FADS3: variants seen among roughly 807,000 people sequenced by gnomAD.
FADS3 encodes the protein cytochrome b5-related protein.
In FADS3, 30 loss-of-function variants were observed where a neutral mutation model predicts 60.4. The observed-to-expected ratio is 0.50, with a 90% confidence interval of 0.37 to 0.67. The LOEUF (loss-of-function observed/expected upper bound fraction) is 0.67, where lower values mean the gene tolerates loss of function less well. FADS3 is among the 30% of genes least tolerant of loss of function. FADS3 has a pLI of 0.00. For missense variants in FADS3, 432 were observed against 598.3 expected (o/e 0.72, Z 2.90); for synonymous variants, 234 against 249.3 (o/e 0.94, Z 0.58).
At chr11:61,880,417 T>C (rs914777676) in intron 1 of FADS3, 1 of 296,534 alleles carries the variant, frequency 3.4e-6, no homozygotes, top group Admixed American at 5.0e-5. Context: ...CGGTCAAACA[T>C]CTGCAGCTCT....
chr11:61,877,648 C>T lies in FADS3; in HGVS notation c.809-61G>A. The T allele has an allele frequency of 6.7e-7, 1 of 1,487,010 alleles. No individual in the cohort carries two copies. 92.1% of individuals were successfully genotyped at this position (1,487,010 alleles called of 1,614,324 possible). On this transcript the variant is annotated intron_variant, in intron 6 of 11. Transcript: ENST00000278829. This position sits in a 1 kb window ranked among gnomAD's most constrained non-coding sequence, Gnocchi z 4.7. ...GCTGGGCTGCCAAGGTGAGTGGGCGCCAGAGTGAGGGGCTCTGTTACTCCA... is the reference window on the plus strand; with the variant it reads ...GCTGGGCTGCCAAGGTGAGTGGGCGTCAGAGTGAGGGGCTCTGTTACTCCA...
intron 1 of FADS3, among the ~76,000 whole-genome samples, chr11:61,884,034 G>A (rs987921974): frequency 2.0e-5 from 3 of 152,210 alleles, no homozygotes; most frequent in Admixed American, 6.5e-5. Flanking sequence ...GAGTAGGGCA[G>A]GGGCCTGGAC....
At chr11:61,883,168 TC>T (rs1378980246) in intron 1 of FADS3, among the ~76,000 whole-genome samples, 7 of 152,264 alleles carry the variant, frequency 4.6e-5, no homozygotes, top group African/African-American at 1.7e-4. Context: ...CTTTTCACCT[TC>T]CCCAACTGAA....
intron 1 of FADS3, among the ~76,000 whole-genome samples, chr11:61,888,735 A>T (rs1235967579): frequency 6.6e-6 from 1 of 152,042 alleles, no homozygotes; most frequent in Admixed American, 6.6e-5. Flanking sequence ...CATGGGCTTG[A>T]GGAGACACAG....
intron 1 of FADS3, among the ~76,000 whole-genome samples, chr11:61,887,287 G>A (rs1476780348): frequency 6.6e-6 from 1 of 152,148 alleles, no homozygotes; most frequent in Non-Finnish European, 1.5e-5. Flanking sequence ...GTGTGCCTGT[G>A]TCCACAGCCT....
intron 1 of FADS3, chr11:61,886,312 G>A (rs1011196747): frequency 1.3e-5 from 2 of 152,280 alleles, no homozygotes; most frequent in East Asian, 1.9e-4. Flanking sequence ...GGAAGAGACC[G>A]GGAGGGATGC....
In FADS3 at chr11:61,873,865, C is replaced by G. The variant is rs776905980; in HGVS notation, c.1287G>C (p.Arg429Ser). The G allele has an allele frequency of 2.5e-6, 4 of 1,606,926 alleles. No individual in the cohort carries two copies. The African/African-American group carries it at 5.4e-5, about 22-fold the overall frequency. The change falls in exon 12 of 12, where the codon AGG (arginine) becomes AGC (serine). Residue 429 changes from arginine to serine, a missense_variant and splice_region_variant. Physicochemically the swap from Arg to Ser is moderately radical, Grantham distance 110. Coordinates refer to ENST00000278829, the MANE Select transcript of FADS3 (RefSeq NM_021727.5). ...AGATGTCACCAGACTTCTTCAGGGA[C>G]CTGGGAGGTGGGGGTGGCAGTGGGG... ...PFLTALVDIV[R>S]SLKKSGDIWL...
chr11:61,883,592 C>T (rs1354522090), intron 1 of FADS3, among the ~76,000 whole-genome samples: 7 of 152,204 alleles, frequency 4.6e-5, no homozygotes, highest in Non-Finnish European at 8.8e-5. Context: ...GCAGCTGGCA[C>T]GCACAGACAC....
rs1376939810 is a variant in FADS3 at position 61,876,033 on chromosome 11, C to T, written c.1161-57G>A. ...AGTGGGAGATTCCAGAGAGAGGCCC[C>T]ACCCACGGGTCCCCTCCCAGGATCC... On this transcript the variant is annotated intron_variant, in intron 10 of 11. Coordinates refer to ENST00000278829, the MANE Select transcript of FADS3 (RefSeq NM_021727.5). This position sits in a 1 kb window ranked among gnomAD's most constrained non-coding sequence, Gnocchi z 5.7. 1.2e-6 allele frequency: 2 copies of T among 1,611,458 alleles called. No individual in the cohort carries two copies. Among genetic ancestry groups the T allele is most frequent in the African/African-American group, 1.3e-5 (1 of 74,900 alleles).
upstream of FADS3, chr11:61,891,930 G>A (rs1423533528): frequency 1.3e-5 from 2 of 152,348 alleles, no homozygotes; most frequent in African/African-American, 4.8e-5. Context: ...GTGAGCAGCG[G>A]GGCCTGGGGG....
At chr11:61,884,568 C>T (rs772067675) in intron 1 of FADS3, among the ~76,000 whole-genome samples, 7 of 152,160 alleles carry the variant, frequency 4.6e-5, no homozygotes, top group Non-Finnish European at 1.0e-4. Flanking sequence ...GGGTCCTTGC[C>T]GTGAGGCCAG....
rs1245575472 is a variant in FADS3, at chr11:61,891,227, G to A, written c.155C>T (p.Ala52Val). Residue 52 changes from alanine to valine, a missense_variant, in exon 1 of 12, where the codon GCA (alanine) becomes GTA (valine). Coordinates refer to ENST00000278829, the MANE Select transcript of FADS3 (RefSeq NM_021727.5). The part of the protein sequence containing the change: ...ERRVYDISRW[A>V]QRHPGGSRLI... ...GCGGCTGCCCCCTGGGTGCCGCTGT[G>A]CCCAGCGGCTGATGTCGTAGACGCG... 1 of 1,553,148 alleles carries A rather than the reference G, an allele frequency of 6.4e-7. No individual in the cohort carries two copies. The highest frequency in any genetic ancestry group is 1.4e-5 in the African/African-American group (1 of 73,440).
Position 61,873,655 on chromosome 11 carries a change from A to C in FADS3, c.*159T>G. 1.5e-6 allele frequency: 1 copy of C among 670,364 alleles called. No individual in the cohort carries two copies. Among genetic ancestry groups the C allele is most frequent in the Admixed American group, 2.2e-5 (1 of 45,902 alleles). The allele number at this position is 670,364 out of a possible 1,614,324, so 41.5% of individuals were successfully genotyped here. ...CAGAGCCAAGGCCATAGGGCTGCTG[A>C]ATACACATGTGAGGGGGCCGAGGGG... On this transcript the variant is annotated 3_prime_UTR_variant, in exon 12 of 12. Transcript: ENST00000278829.
chr11:61,891,101 G>A, intron 1 of FADS3, 68 bp downstream of exon 1: 1 of 1,321,602 alleles, frequency 7.6e-7, no homozygotes, highest in South Asian at 1.3e-5. Context: ...GGTGGAGCGG[G>A]ACATCACGCC....
rs1937762941 is a variant in FADS3, at chr11:61,873,746, C to T, written c.*68G>A. 4.9e-6 allele frequency: 6 copies of T among 1,219,064 alleles called. No individual in the cohort carries two copies. The highest frequency in any genetic ancestry group is 2.5e-5 in the East Asian group (1 of 40,550). The allele number at this position is 1,219,064 out of a possible 1,614,324, so 75.5% of individuals were successfully genotyped here. On this transcript the variant is annotated 3_prime_UTR_variant, in exon 12 of 12. Transcript: ENST00000278829. The stretch of plus-strand genomic sequence containing the variant: ...CTGGCCAGTGGAGGGGTGAGGGTAT[C>T]GATCCCGCCGGGGGCTGGCTTGGTT...
chr11:61,873,862 G>A lies in FADS3; in HGVS notation c.1290C>T (p.Ser430=). The A allele has an allele frequency of 1.2e-6, 2 of 1,608,530 alleles. No homozygotes were observed. Among genetic ancestry groups the A allele is most frequent in the Non-Finnish European group, 1.7e-6 (2 of 1,177,500 alleles). ...GCCAGATGTCACCAGACTTCTTCAG[G>A]GACCTGGGAGGTGGGGGTGGCAGTG... is the stretch of plus-strand genomic sequence containing the variant. ...FLTALVDIVR[S]LKKSGDIWLD... The change falls in exon 12 of 12, where the codon TCC becomes TCT. Residue 430 remains serine (S), a synonymous_variant. Coordinates refer to ENST00000278829, the MANE Select transcript of FADS3 (RefSeq NM_021727.5).
intron 5 of FADS3, 144 bp downstream of exon 5, chr11:61,878,368 G>T: frequency 7.2e-7 from 1 of 1,395,986 alleles, no homozygotes. Flanking sequence ...GAGGTGGGAA[G>T]GAAAGACACG....
Position 61,876,709 on chromosome 11 carries a change from G to C in FADS3, c.983+157C>G. 1.3e-6 allele frequency: 1 copy of C among 742,998 alleles called. No individual in the cohort carries two copies. Among genetic ancestry groups the C allele is most frequent in the South Asian group, 1.6e-5 (1 of 63,726 alleles). The allele number at this position is 742,998 out of a possible 1,614,324, so 46.0% of individuals were successfully genotyped here. On this transcript the variant is annotated intron_variant, in intron 8 of 11. Transcript: ENST00000278829. This position sits in a 1 kb window ranked among gnomAD's most constrained non-coding sequence, Gnocchi z 5.7. ...ACGCTCCCTAAACCCACCGACCCTG[G>C]GCTCCTGCCACGCTTGTGTTTATGT...
In FADS3 at chr11:61,877,751, TC is replaced by T; in HGVS notation, c.809-165del. ...TCACCCCCAATTCTGTGTCCAAGCC[TC>T]CCCAGGCTGCCCTTACCCCACCACC... On this transcript the variant is annotated intron_variant, in intron 6 of 11. Transcript: ENST00000278829. This position sits in a 1 kb window ranked among gnomAD's most constrained non-coding sequence, Gnocchi z 4.7. 3.0e-6 allele frequency: 2 copies of T among 665,568 alleles called. No homozygotes were observed. The highest frequency in any genetic ancestry group is 5.2e-6 in the Non-Finnish European group (2 of 382,882). 41.2% of individuals were successfully genotyped at this position (665,568 alleles called of 1,614,324 possible).
Sources: gnomAD v4.1 joint callset for allele counts (sites outside exome capture counted in the v4.1 genomes callset) on GRCh38, gnomAD v4.1.1 for gene constraint, Gnocchi (gnomAD v3.1) non-coding constraint, MANE v1.5 for transcripts, NCBI Gene and HGNC (gene_info 2026-07-23, HGNC 2026-07-21) for gene names.